DLGAP2: variants seen among roughly 807,000 people sequenced by gnomAD.
DLGAP2 encodes DLG associated protein 2.
A neutral mutation model predicts 100.3 loss-of-function variants in DLGAP2; 26 were observed. That is an observed-to-expected ratio of 0.26 (90% CI 0.19 to 0.36). DLGAP2 has a LOEUF of 0.36. DLGAP2 is among the 10% of genes least tolerant of loss of function. The probability of loss-of-function intolerance (pLI) is 1.00; values close to 1 mark genes in which losing one functional copy is unlikely to be tolerated. For synonymous variants in DLGAP2, 886 were observed against 630.1 expected (o/e 1.41, Z -6.08); for missense variants, 1,858 against 1,453.2 (o/e 1.28, Z -4.53).
intron 2 of DLGAP2, among the ~76,000 whole-genome samples, chr8:954,731 T>C (rs573951015): frequency 7.4e-4 from 113 of 152,234 alleles, no homozygotes; most frequent in African/African-American, 2.6e-3. Context: ...GACTAATTAG[T>C]TGAAAATGCA....
At chr8:797,952 A>G (rs1159897226) in intron 1 of DLGAP2, among the ~76,000 whole-genome samples, 1 of 152,016 alleles carries the variant, frequency 6.6e-6, no homozygotes, top group East Asian at 1.9e-4. Context: ...GGGTTTCATC[A>G]TGTTGGCCAG....
chr8:1,128,152 C>T (rs1585086335), intron 2 of DLGAP2, among the ~76,000 whole-genome samples: 1 of 152,054 alleles, frequency 6.6e-6, no homozygotes, highest in Non-Finnish European at 1.5e-5. Context: ...CGGTGAGGAC[C>T]TGCTCCCGGT....
chr8:853,254 G>A (rs1468818159), intron 1 of DLGAP2, among the ~76,000 whole-genome samples: 1 of 152,176 alleles, frequency 6.6e-6, no homozygotes, highest in Non-Finnish European at 1.5e-5. Context: ...GGTGGAGGAG[G>A]GAGGTCCAGG....
chr8:1,289,629 G>A (rs75186418), intron 3 of DLGAP2, among the ~76,000 whole-genome samples: 4,455 of 152,244 alleles, frequency 0.029, 107 homozygotes, highest in Non-Finnish European at 0.046. Context: ...CCTGGCTAGC[G>A]TTCCTACATA....
Position 1,610,289 on chromosome 8 carries a change from C to G in DLGAP2, c.1443-16451C>G, listed in dbSNP as rs989785279. 2.0e-3 allele frequency among the ~76,000 whole-genome samples: 306 copies of G among 152,232 alleles called. 1 individual carries two copies. The highest frequency in any genetic ancestry group is 3.6e-3 in the Non-Finnish European group (242 of 68,024). ...TAAACAACCTGCTCCTGAATGACTA[C>G]TGGGTACATAACGAAATGAAGGCAG... is the stretch of plus-strand genomic sequence containing the variant. On this transcript the variant is annotated intron_variant, in intron 6 of 14. Transcript: ENST00000637795.
chr8:797,530 C>T (rs1796061252), intron 1 of DLGAP2, among the ~76,000 whole-genome samples: 2 of 152,058 alleles, frequency 1.3e-5, no homozygotes, highest in Non-Finnish European at 2.9e-5. Flanking sequence ...GAAGTCTTTC[C>T]ATAGACATTT....
intron 2 of DLGAP2, among the ~76,000 whole-genome samples, chr8:1,202,063 G>T (rs532335404): frequency 6.6e-6 from 1 of 152,032 alleles, no homozygotes; most frequent in Admixed American, 6.6e-5. Flanking sequence ...TGTGATGTGT[G>T]TGTATGTGTA....
At chr8:1,449,206 C>G (rs967220777) in intron 3 of DLGAP2, among the ~76,000 whole-genome samples, 2 of 152,238 alleles carry the variant, frequency 1.3e-5, no homozygotes, top group African/African-American at 4.8e-5. Flanking sequence ...CTCAGCCCAG[C>G]TGAGCCTCCT....
At chr8:1,326,776 A>C (rs1172913371) in intron 3 of DLGAP2, among the ~76,000 whole-genome samples, 1 of 152,252 alleles carries the variant, frequency 6.6e-6, no homozygotes, top group African/African-American at 2.4e-5. Flanking sequence ...CTAAGTTCAC[A>C]GCTGTTTCCA....
intron 1 of DLGAP2, among the ~76,000 whole-genome samples, chr8:905,993 T>C (rs1017685927): frequency 8.5e-5 from 13 of 152,376 alleles, no homozygotes; most frequent in African/African-American, 3.1e-4. Flanking sequence ...CTTCAAGACA[T>C]GTCTGTGGAA....
chr8:897,111 GT>G (rs1798156951), intron 1 of DLGAP2, among the ~76,000 whole-genome samples: 2 of 152,152 alleles, frequency 1.3e-5, no homozygotes, highest in African/African-American at 2.4e-5. Context: ...TGGAGTGGGG[GT>G]TCAGCAGCAG....
chr8:877,615 G>A (rs1394432278), intron 1 of DLGAP2, among the ~76,000 whole-genome samples: 1 of 152,324 alleles, frequency 6.6e-6, no homozygotes, highest in Admixed American at 6.5e-5. Flanking sequence ...TTTGATACTT[G>A]CTTTGACACA....
At chr8:1,012,267 C>A (rs1263230187) in intron 2 of DLGAP2, among the ~76,000 whole-genome samples, 1 of 152,228 alleles carries the variant, frequency 6.6e-6, no homozygotes, top group Non-Finnish European at 1.5e-5. Context: ...CATCCCTTCG[C>A]TCTTCCTGTA....
At chr8:1,454,607 T>C (rs1255160517) in intron 3 of DLGAP2, among the ~76,000 whole-genome samples, 1 of 152,142 alleles carries the variant, frequency 6.6e-6, no homozygotes, top group African/African-American at 2.4e-5. Context: ...TCCATTAAGA[T>C]CCCTTTACAT....
chr8:972,521 A>G (rs1800038167), intron 2 of DLGAP2, among the ~76,000 whole-genome samples: 1 of 152,274 alleles, frequency 6.6e-6, no homozygotes, highest in Non-Finnish European at 1.5e-5. Flanking sequence ...TGGTCTAATC[A>G]TTAGACTGGG....
At chr8:1,680,059 A>C (rs775934096) in intron 12 of DLGAP2, among the ~76,000 whole-genome samples, 1 of 152,064 alleles carries the variant, frequency 6.6e-6, no homozygotes, top group Non-Finnish European at 1.5e-5. Flanking sequence ...TTCTAAGCTA[A>C]TACCACCTGT....
chr8:1,701,127 TCGCGA>T (rs1414316249), intron 14 of DLGAP2, 56 bp from the exon 15 acceptor site: 4 of 1,486,970 alleles, frequency 2.7e-6, no homozygotes, highest in Non-Finnish European at 3.6e-6. Flanking sequence ...GCCGCTGAGC[TCGCGA>T]GCTGCTGGGA....
At chr8:1,239,169 T>TAC (rs1322403204) in intron 2 of DLGAP2, among the ~76,000 whole-genome samples, 1 of 5,340 alleles carries the variant, frequency 1.9e-4, no homozygotes, top group Non-Finnish European at 4.6e-4. Context: ...CGTGTCTAGT[T>TAC]CTCTCACATG....
At chr8:1,009,897 G>C (rs533690009) in intron 2 of DLGAP2, among the ~76,000 whole-genome samples, 68 of 152,262 alleles carry the variant, frequency 4.5e-4, no homozygotes, top group African/African-American at 1.6e-3. Flanking sequence ...GATTGTGTTT[G>C]GAATTGGTTT....
Sources: allele counts gnomAD v4.1 joint callset (sites outside exome capture counted in the v4.1 genomes callset), GRCh38; gene constraint gnomAD v4.1.1; transcripts MANE v1.5; gene names NCBI Gene and HGNC (gene_info 2026-07-23, HGNC 2026-07-21).